FOCAD: variants seen among roughly 807,000 people sequenced by gnomAD.
FOCAD encodes KIAA1797.
FOCAD carries 198 observed loss-of-function variants against 225.6 expected under a neutral mutation model. The ratio of observed to expected loss-of-function variants is 0.88; its 90% CI spans 0.78 to 0.99. FOCAD has a LOEUF of 0.99. Among genes scored for constraint, FOCAD ranks in the 50% least tolerant of loss-of-function variants. FOCAD has a pLI of 0.00. For synonymous variants in FOCAD, 897 were observed against 755.0 expected (o/e 1.19, Z -3.08); for missense variants, 2,713 against 2,123.6 (o/e 1.28, Z -5.46).
rs56856864 is a variant in FOCAD, at chr9:20,913,145, T to TACAC, written c.2807+232_2807+235dup. On this transcript the variant is annotated intron_variant, in intron 23 of 43. Coordinates refer to ENST00000338382, the MANE Select transcript of FOCAD (RefSeq NM_001375567.1). ...GAGAGCTTTATTTATAAATTATACA[T>TACAC]ACACACACACACACACACACACACA... 0.065 allele frequency among the ~76,000 whole-genome samples: 8,951 copies of TACAC among 137,196 alleles called. 326 individuals are homozygous for TACAC. Among genetic ancestry groups the TACAC allele is most frequent in the African/African-American group, 0.089 (3,263 of 36,480 alleles). The allele number at this position is 137,196 out of a possible 152,430, so 90.0% of individuals were successfully genotyped here.
At chr9:20,762,252 A>G (rs368448698) in intron 6 of FOCAD, among the ~76,000 whole-genome samples, 1 of 152,222 alleles carries the variant, frequency 6.6e-6, no homozygotes, top group Non-Finnish European at 1.5e-5. Flanking sequence ...TTTGTATTTC[A>G]TACATACATT....
At chr9:20,743,920 G>A (rs1284676194) in intron 5 of FOCAD, among the ~76,000 whole-genome samples, 1 of 152,130 alleles carries the variant, frequency 6.6e-6, no homozygotes, top group East Asian at 1.9e-4. Context: ...TATTTGGGTG[G>A]CAAGAAGTCT....
Position 20,767,666 on chromosome 9 carries a change from G to A in FOCAD, c.700-2366G>A, listed in dbSNP as rs1204886413. ...TCATGTCCTTCGCCCACTTTTTGATGGGGTTGTTTGTTTTTTTCTTGTGAA... is the reference window on the plus strand; with the variant it reads ...TCATGTCCTTCGCCCACTTTTTGATAGGGTTGTTTGTTTTTTTCTTGTGAA... On this transcript the variant is annotated intron_variant, in intron 7 of 43. Coordinates refer to ENST00000338382, the MANE Select transcript of FOCAD (RefSeq NM_001375567.1). 1.4e-5 allele frequency among the ~76,000 whole-genome samples: 2 copies of A among 142,562 alleles called. 1 individual carries two copies. Among genetic ancestry groups the A allele is most frequent in the African/African-American group, 5.1e-5 (2 of 39,124 alleles). 93.5% of individuals were successfully genotyped at this position (142,562 alleles called of 152,430 possible).
At chr9:20,874,265 C>G (rs1039852414) in intron 18 of FOCAD, 1 of 161,512 alleles carries the variant, frequency 6.2e-6, no homozygotes, top group East Asian at 1.9e-4. Flanking sequence ...GGACATATGA[C>G]TAGAATCACA....
chr9:20,843,969 T>G (rs1303333802), intron 15 of FOCAD, among the ~76,000 whole-genome samples: 1 of 152,130 alleles, frequency 6.6e-6, no homozygotes, highest in East Asian at 1.9e-4. Context: ...GTTATGATTC[T>G]AAGTTAGAAA....
At chr9:20,704,752 C>T (rs1824242510) in intron 1 of FOCAD, among the ~76,000 whole-genome samples, 1 of 152,126 alleles carries the variant, frequency 6.6e-6, no homozygotes. Context: ...CTTTATGACA[C>T]CCTTTAGTGA....
At chr9:20,977,599 C>T (rs1416522901) in intron 36 of FOCAD, among the ~76,000 whole-genome samples, 1 of 152,180 alleles carries the variant, frequency 6.6e-6, no homozygotes, top group Non-Finnish European at 1.5e-5. Flanking sequence ...TCTGTGCCTG[C>T]TGTGAGTGCT....
At chr9:20,985,809 T>A (rs1009630027) in intron 39 of FOCAD, among the ~76,000 whole-genome samples, 1 of 152,166 alleles carries the variant, frequency 6.6e-6, no homozygotes, top group South Asian at 2.1e-4. Flanking sequence ...GAAAAAAAAA[T>A]AAACGTCAGT....
chr9:20,766,845 T>C (rs1830091405), intron 7 of FOCAD, among the ~76,000 whole-genome samples: 1 of 150,812 alleles, frequency 6.6e-6, no homozygotes, highest in Non-Finnish European at 1.5e-5. Flanking sequence ...TTTATTATAC[T>C]TTAAGTTTTA....
At chr9:20,787,782 A>C (rs2131162001) in intron 10 of FOCAD, among the ~76,000 whole-genome samples, 1 of 151,628 alleles carries the variant, frequency 6.6e-6, no homozygotes, top group East Asian at 1.9e-4. Flanking sequence ...TGTACAAGCA[A>C]CTACAAATAT....
chr9:20,932,030 C>G (rs182830415), intron 27 of FOCAD, among the ~76,000 whole-genome samples: 1 of 152,166 alleles, frequency 6.6e-6, no homozygotes, highest in African/African-American at 2.4e-5. Flanking sequence ...TGTTGTTCCA[C>G]AGCTTCTTGC....
intron 2 of FOCAD, among the ~76,000 whole-genome samples, chr9:20,667,695 G>C (rs1563865029): frequency 6.6e-6 from 1 of 152,148 alleles, no homozygotes; most frequent in African/African-American, 2.4e-5. Context: ...TTCTGACATG[G>C]TCACTATTGT....
intron 35 of FOCAD, among the ~76,000 whole-genome samples, chr9:20,961,404 A>G (rs966761466): frequency 6.6e-6 from 1 of 152,054 alleles, no homozygotes; most frequent in Non-Finnish European, 1.5e-5. Flanking sequence ...CCTTTGTGGC[A>G]CAAGAAGATG....
chr9:20,921,625 C>T (rs921068261), intron 24 of FOCAD, among the ~76,000 whole-genome samples: 9 of 152,194 alleles, frequency 5.9e-5, no homozygotes, highest in Non-Finnish European at 1.5e-5. Context: ...CCTAGGGCTG[C>T]ACTGTATAGA....
At chr9:20,869,522 G>C (rs1188660306) in intron 18 of FOCAD, among the ~76,000 whole-genome samples, 1 of 152,112 alleles carries the variant, frequency 6.6e-6, no homozygotes, top group Non-Finnish European at 1.5e-5. Flanking sequence ...AAAAGAGTAA[G>C]AGGATTGGCA....
chr9:20,761,178 A>G (rs187808028), intron 6 of FOCAD, among the ~76,000 whole-genome samples: 211 of 152,124 alleles, frequency 1.4e-3, no homozygotes, highest in Non-Finnish European at 2.5e-3. Context: ...GTATTTGGGT[A>G]TTATTTTATA....
chr9:20,720,704 C>G (rs1825707812), intron 4 of FOCAD, among the ~76,000 whole-genome samples, 170 bp downstream of exon 4: 1 of 152,088 alleles, frequency 6.6e-6, no homozygotes, highest in South Asian at 2.1e-4. Flanking sequence ...AATTTAAACC[C>G]TATAGTTTCA....
At chr9:20,720,637 T>C (rs555836206) in intron 4 of FOCAD, 103 bp downstream of exon 4, 7 of 1,145,672 alleles carry the variant, frequency 6.1e-6, no homozygotes, top group Non-Finnish European at 7.4e-6. Flanking sequence ...TTGCCAGTTG[T>C]TTTTCTTGCT....
chr9:20,712,730 C>CT (rs71334550), intron 1 of FOCAD, among the ~76,000 whole-genome samples: 6,819 of 93,324 alleles, frequency 0.073, 1,278 homozygotes, highest in African/African-American at 0.27. Flanking sequence ...CTCCTATATT[C>CT]TTTTTTTTTT....
Sources: gnomAD v4.1 joint callset for allele counts (sites outside exome capture counted in the v4.1 genomes callset) on GRCh38, gnomAD v4.1.1 for gene constraint, MANE v1.5 for transcripts, NCBI Gene and HGNC (gene_info 2026-07-23, HGNC 2026-07-21) for gene names.